Variants in HNRNPK observed in about 807,000 individuals in gnomAD.
HNRNPK encodes the protein dC-stretch binding protein.
A neutral mutation model predicts 67.0 loss-of-function variants in HNRNPK; 7 were observed. That is an observed-to-expected ratio of 0.10 (90% CI 0.06 to 0.20). The LOEUF is 0.20. HNRNPK is among the 10% of genes least tolerant of loss of function. HNRNPK has a pLI of 1.00. For missense variants in HNRNPK, 264 were observed against 606.5 expected (o/e 0.44, Z 5.93); for synonymous variants, 213 against 193.7 (o/e 1.10, Z -0.83).
intron 10 of HNRNPK, 59 bp downstream of exon 10, chr9:83,972,785 C>T: frequency 2.2e-6 from 3 of 1,355,098 alleles, no homozygotes; most frequent in East Asian, 2.5e-5. Context: ...GCTACTTTTG[C>T]AGAAGGTTAT....
At chr9:83,973,452 C>T (rs1244535121) in intron 8 of HNRNPK, 53 bp from the exon 9 acceptor site, 4 of 939,180 alleles carry the variant, frequency 4.3e-6, no homozygotes, top group Non-Finnish European at 7.1e-6. Flanking sequence ...TTCCCCAATA[C>T]ACACTTATCT....
At chr9:83,971,030 C>T (rs1956810106) in intron 13 of HNRNPK, 118 bp from the exon 14 acceptor site, 1 of 1,033,696 alleles carries the variant, frequency 9.7e-7, no homozygotes, top group Middle Eastern at 3.0e-4. Context: ...TGGTCTCAAA[C>T]TCTCGGGCTC....
At chr9:83,969,884 C>G (rs373138098) in intron 16 of HNRNPK, 188 of 610,542 alleles carry the variant, frequency 3.1e-4, no homozygotes, top group Non-Finnish European at 4.1e-5. Context: ...TCTACAGGCT[C>G]TGTACAATTT....
At chr9:83,974,631 AAAAG>A (rs1217507143) in intron 6 of HNRNPK, 42 bp from the exon 7 acceptor site, 1 of 1,427,038 alleles carries the variant, frequency 7.0e-7, no homozygotes, top group Admixed American at 1.8e-5. Context: ...AAAAAGGTGG[AAAAG>A]AAAAATGAGT....
Position 83,977,061 on chromosome 9 carries a change from A to G in HNRNPK, c.157-10T>C, listed in dbSNP as rs1957099730. 6.2e-7 allele frequency: 1 copy of G among 1,605,046 alleles called. No individual in the cohort carries two copies. On this transcript the variant is annotated splice_polypyrimidine_tract_variant and intron_variant, in intron 4 of 16. Coordinates refer to ENST00000376263, the MANE Select transcript of HNRNPK (RefSeq NM_031263.4). Reference sequence around the variant, plus strand: ...TCACTGCCCCAGCATTCTGGAGAAGATACAAAGACAAAAAATTATTTTGCC... The same window carrying G: ...TCACTGCCCCAGCATTCTGGAGAAGGTACAAAGACAAAAAATTATTTTGCC...
chr9:83,969,862 T>C, intron 16 of HNRNPK: 1 of 609,998 alleles, frequency 1.6e-6, no homozygotes, highest in Admixed American at 2.0e-5. Context: ...ATCCAATGAA[T>C]CTTCTATATT....
At chr9:83,970,007 A>T (rs1314748051) in intron 16 of HNRNPK, 155 bp downstream of exon 16, 1 of 660,728 alleles carries the variant, frequency 1.5e-6, no homozygotes, top group South Asian at 1.8e-5. Context: ...AAGAAAGCAG[A>T]AGAAAAATTA....
chr9:83,972,281 A>T (rs1956882508), intron 10 of HNRNPK, 92 bp from the exon 11 acceptor site: 1 of 951,864 alleles, frequency 1.1e-6, no homozygotes, highest in African/African-American at 1.7e-5. Context: ...ACAAAATGTA[A>T]GTCATTCCCC....
At chr9:83,977,248 G>C (rs1957111287) in intron 4 of HNRNPK, among the ~76,000 whole-genome samples, 197 bp from the exon 5 acceptor site, 1 of 152,200 alleles carries the variant, frequency 6.6e-6, no homozygotes, top group African/African-American at 2.4e-5. Flanking sequence ...GGACTAGATA[G>C]TTTGGAGTAC....
At chr9:83,978,628 G>C (rs1037272067) in intron 1 of HNRNPK, among the ~76,000 whole-genome samples, 176 bp from the exon 2 acceptor site, 1 of 152,138 alleles carries the variant, frequency 6.6e-6, no homozygotes, top group Admixed American at 6.5e-5. Context: ...AAATTCAAGG[G>C]AGCCTGGTTT....
intron 4 of HNRNPK, 136 bp from the exon 5 acceptor site, chr9:83,977,187 G>A: frequency 1.5e-6 from 1 of 647,790 alleles, no homozygotes; most frequent in African/African-American, 1.8e-5. Context: ...TTGTAAAAAC[G>A]ACCAGGCCAA....
chr9:83,975,557 AT>A, intron 5 of HNRNPK, 52 bp from the exon 6 acceptor site: 1 of 1,444,604 alleles, frequency 6.9e-7, no homozygotes, highest in African/African-American at 1.4e-5. Flanking sequence ...TGGGCATTCA[AT>A]CAGAAGTTGT....
At chr9:83,974,381 T>A (rs1345882825) in intron 7 of HNRNPK, 136 bp downstream of exon 7, 1 of 484,830 alleles carries the variant, frequency 2.1e-6, no homozygotes, top group East Asian at 3.3e-5. Flanking sequence ...TGTACAAAAT[T>A]ATGTAGCAGG....
At chr9:83,973,033 C>T (rs187780635) in intron 9 of HNRNPK, 61 bp from the exon 10 acceptor site, 4 of 1,251,136 alleles carry the variant, frequency 3.2e-6, no homozygotes, top group African/African-American at 3.1e-5. Flanking sequence ...TTCCTAGGTT[C>T]AGTGAAAATT....
chr9:83,977,419 C>A (rs749405351), intron 4 of HNRNPK, among the ~76,000 whole-genome samples: 15 of 152,076 alleles, frequency 9.9e-5, no homozygotes, highest in Non-Finnish European at 1.6e-4. Flanking sequence ...CTAAGGAGTC[C>A]ACACATAATT....
rs376555582 is a variant in HNRNPK, at chr9:83,971,297, T to C, written c.1068A>G (p.Glu356=). 1.1e-5 allele frequency: 18 copies of C among 1,611,006 alleles called. No homozygotes were observed. The highest frequency in any genetic ancestry group is 4.0e-5 in the African/African-American group (3 of 74,868). The change falls in exon 13 of 17, where the codon GAA becomes GAG. Residue 356 remains glutamate, a synonymous_variant. Transcript: ENST00000376263. ...DSAIDTWSPS[E]WQMAYEPQGG... ...CCTGTGGTTCATAAGCCATCTGCCA[T>C]TCTGATGGGCTCCATGTATCTATTG...
At chr9:83,977,657 C>A in intron 4 of HNRNPK, 32 bp downstream of exon 4, 3 of 1,323,108 alleles carry the variant, frequency 2.3e-6, no homozygotes, top group Non-Finnish European at 3.2e-6. Flanking sequence ...GAGTATGAAC[C>A]ACCTTCAAAT....
At position 83,970,240 on chromosome 9, in the gene HNRNPK, T is replaced by A. The variant is rs1233913853; in HGVS notation, c.1283A>T (p.Glu428Val). The A allele has an allele frequency of 1.9e-6, 3 of 1,613,604 alleles. No homozygotes were observed. The highest frequency in any genetic ancestry group is 2.5e-6 in the Non-Finnish European group (3 of 1,179,640). The change falls in exon 16 of 17, where the codon GAA becomes GTA. Residue 428 changes from glutamate to valine, a missense_variant. Glu to Val is a moderately radical substitution (Grantham distance 121, BLOSUM62 -2). Transcript: ENST00000376263. ...GASIKIDEPL[E>V]GSEDRIITIT... ...GGTAATGATCCGATCTTCGGATCCTTCTAAAGGCTCATCAATTTTGATCGA... is the reference window on the plus strand; with the variant it reads ...GGTAATGATCCGATCTTCGGATCCTACTAAAGGCTCATCAATTTTGATCGA...
intron 1 of HNRNPK, among the ~76,000 whole-genome samples, chr9:83,979,656 C>G (rs1015994339): frequency 6.6e-6 from 1 of 152,216 alleles, no homozygotes; most frequent in Non-Finnish European, 1.5e-5. Flanking sequence ...CGACTACGTG[C>G]TACTAGGCGG....
Sources: allele counts gnomAD v4.1 joint callset (sites outside exome capture counted in the v4.1 genomes callset), GRCh38; gene constraint gnomAD v4.1.1; transcripts MANE v1.5; gene names NCBI Gene and HGNC (gene_info 2026-07-23, HGNC 2026-07-21).